CMTM4: variants seen among roughly 807,000 people sequenced by gnomAD.
CMTM4 encodes the protein CKLF like MARVEL transmembrane domain containing 4, also known as CKLF-like MARVEL transmembrane domain-containing protein 4.
In CMTM4, 8 loss-of-function variants were observed where a neutral mutation model predicts 19.0. That is an observed-to-expected ratio of 0.42 (90% CI 0.25 to 0.76). The LOEUF (loss-of-function observed/expected upper bound fraction) is 0.76. Ranked by LOEUF, CMTM4 falls within the 30% of genes least tolerant of loss-of-function variation. CMTM4 has a pLI of 0.27. For synonymous variants in CMTM4, 106 were observed against 121.1 expected, an observed-to-expected ratio of 0.88 and a Z score of 0.82; for missense variants, 228 against 290.2, an observed-to-expected ratio of 0.79 and a Z score of 1.56.
At chr16:66,605,066 C>G in the CMTM4 span, 1 of 972,232 alleles carries the variant, frequency 1.0e-6, no homozygotes, top group Non-Finnish European at 1.4e-6. This position sits in a 1 kb window ranked among gnomAD's most constrained non-coding sequence, Gnocchi z 4.6. Context: ...GATACCCCCT[C>G]TCCGCGCCGC....
intron 1 of CMTM4, among the ~76,000 whole-genome samples, chr16:66,666,044 C>T (rs557610460): frequency 7.6e-4 from 115 of 151,340 alleles, no homozygotes; most frequent in African/African-American, 2.6e-3. Flanking sequence ...TGCACTCCAG[C>T]CTGGGCGACA....
In CMTM4 at chr16:66,624,750, G is replaced by A. The variant is rs568351080; in HGVS notation, c.364-1248C>T. ...CCACTGCACTCTAGCCTGGGTGACA[G>A]AGCGAGACTCTTGTCTCAATAAAAT... On this transcript the variant is annotated intron_variant, in intron 2 of 3. Coordinates refer to ENST00000394106, the MANE Select transcript of CMTM4 (RefSeq NM_181521.3). Among the ~76,000 whole-genome samples the A allele has an allele frequency of 7.2e-5, 11 of 152,294 alleles. No homozygotes were observed. In the South Asian group the frequency reaches 1.9e-3, roughly 26 times the overall value.
At chr16:66,677,875 T>C (rs976571516) in intron 1 of CMTM4, among the ~76,000 whole-genome samples, 24 of 152,194 alleles carry the variant, frequency 1.6e-4, no homozygotes, top group African/African-American at 5.5e-4. Flanking sequence ...CTAAGTTTTA[T>C]ATTTTGGAGT....
chr16:66,608,128 G>T, the CMTM4 span, among the ~76,000 whole-genome samples: 1 of 152,174 alleles, frequency 6.6e-6, no homozygotes, highest in Admixed American at 6.5e-5. The surrounding 1 kb of genome is among the most constrained non-coding windows in gnomAD (Gnocchi z 5.1). Context: ...TTACAGGTGT[G>T]AGCCACTGTG....
intron 1 of CMTM4, among the ~76,000 whole-genome samples, chr16:66,684,681 TA>T (rs1017934555): frequency 6.6e-6 from 1 of 152,188 alleles, no homozygotes; most frequent in African/African-American, 2.4e-5. Flanking sequence ...TTAAACTGTT[TA>T]AAAATAGGAT....
In CMTM4 at chr16:66,620,816, A is replaced by G. The variant is rs2015617461; in HGVS notation, c.*1242T>C. 1.0e-6 allele frequency: 1 copy of G among 985,190 alleles called. No homozygotes were observed. Among genetic ancestry groups the G allele is most frequent in the Admixed American group, 6.1e-5 (1 of 16,272 alleles). 61.0% of individuals were successfully genotyped at this position (985,190 alleles called of 1,614,324 possible). A position where few individuals can be genotyped will look rare whatever the true frequency, so the allele number is the denominator to read the frequency against. On this transcript the variant is annotated 3_prime_UTR_variant, in exon 4 of 4. Transcript: ENST00000394106. ...AAAACAACTTTTTTCCATAAAAGAT[A>G]TAATTACTCTCTAATTTTTTAAAAA...
At chr16:66,661,557 T>C (rs1811258565) in intron 1 of CMTM4, among the ~76,000 whole-genome samples, 1 of 152,210 alleles carries the variant, frequency 6.6e-6, no homozygotes, top group Non-Finnish European at 1.5e-5. Context: ...TAACATTAAG[T>C]CCAAATTTTA....
At position 66,636,471 on chromosome 16, in the gene CMTM4, G is replaced by A. The variant is rs111405424; in HGVS notation, c.297C>T (p.Gly99=). The part of the protein sequence containing the change: ...FVSCSAFVVT[G]VLLIMFSLNL... Reference sequence around the variant, plus strand: ...TGAGACTGAACATAATCAGCAAGACGCCAGTCACCACAAACGCACTGCAGC... The same window carrying A: ...TGAGACTGAACATAATCAGCAAGACACCAGTCACCACAAACGCACTGCAGC... Residue 99 remains glycine, a synonymous_variant, in exon 2 of 4, where the codon GGC becomes GGT. Coordinates refer to ENST00000394106, the MANE Select transcript of CMTM4 (RefSeq NM_181521.3). 93 of 1,614,076 alleles carry A rather than the reference G, an allele frequency of 5.8e-5. No individual in the cohort carries two copies. The African/African-American group carries it at 8.9e-4, about 16-fold the overall frequency.
At chr16:66,629,426 T>C (rs1022947486) in intron 2 of CMTM4, among the ~76,000 whole-genome samples, 1 of 152,194 alleles carries the variant, frequency 6.6e-6, no homozygotes, top group African/African-American at 2.4e-5. Context: ...TCTAACCTAA[T>C]TATGATCCAA....
chr16:66,644,114 C>T (rs751653216), intron 1 of CMTM4, among the ~76,000 whole-genome samples: 15 of 152,146 alleles, frequency 9.9e-5, no homozygotes, highest in Non-Finnish European at 1.9e-4. Flanking sequence ...TACCAGATCG[C>T]ATCTTGATAC....
chr16:66,635,442 C>T (rs1458719618), intron 2 of CMTM4, among the ~76,000 whole-genome samples: 1 of 152,218 alleles, frequency 6.6e-6, no homozygotes, highest in East Asian at 1.9e-4. Flanking sequence ...ACCCAGGGCA[C>T]ACCAGGAGAG....
the CMTM4 span, chr16:66,608,421 T>C: frequency 6.2e-7 from 1 of 1,614,228 alleles, no homozygotes; most frequent in Non-Finnish European, 8.5e-7. The surrounding 1 kb of genome is among the most constrained non-coding windows in gnomAD (Gnocchi z 5.1). Flanking sequence ...GCTGATGCCA[T>C]GCAGCTGAAT....
intron 1 of CMTM4, among the ~76,000 whole-genome samples, chr16:66,685,044 T>A (rs1391524162): frequency 6.6e-6 from 1 of 152,216 alleles, no homozygotes; most frequent in African/African-American, 2.4e-5. Flanking sequence ...AATAAAAATA[T>A]CAGGGTATAT....
At chr16:66,688,010 A>T (rs2017067981) in intron 1 of CMTM4, among the ~76,000 whole-genome samples, 1 of 151,990 alleles carries the variant, frequency 6.6e-6, no homozygotes, top group African/African-American at 2.4e-5. Flanking sequence ...TATAAATAGA[A>T]ATTTATTGCT....
intron 1 of CMTM4, among the ~76,000 whole-genome samples, chr16:66,695,557 G>T (rs373519732): frequency 3.9e-5 from 6 of 152,274 alleles, no homozygotes; most frequent in Admixed American, 3.3e-4. Flanking sequence ...AGAGCTGAGA[G>T]GCCCCTGCCC....
the CMTM4 span, among the ~76,000 whole-genome samples, chr16:66,599,940 T>C: frequency 6.6e-6 from 1 of 152,084 alleles, no homozygotes; most frequent in Non-Finnish European, 1.5e-5. Context: ...TAGTATCTCA[T>C]TGTGGTTTTA....
chr16:66,675,467 A>AC (rs1223669210), intron 1 of CMTM4, among the ~76,000 whole-genome samples: 2 of 151,356 alleles, frequency 1.3e-5, no homozygotes, highest in East Asian at 1.9e-4. Context: ...TAAAAAAAAA[A>AC]AAAAAAAAAA....
At chr16:66,639,432 ACTC>A (rs2016059513) in intron 1 of CMTM4, among the ~76,000 whole-genome samples, 1 of 152,098 alleles carries the variant, frequency 6.6e-6, no homozygotes, top group African/African-American at 2.4e-5. Flanking sequence ...ACAGACAAAA[ACTC>A]CTGCTCTTAG....
At chr16:66,634,719 A>G (rs1416333006) in intron 2 of CMTM4, among the ~76,000 whole-genome samples, 1 of 152,022 alleles carries the variant, frequency 6.6e-6, no homozygotes, top group Non-Finnish European at 1.5e-5. Context: ...TTGAGGCCTT[A>G]CCAGATGCCT....
Sources: allele counts gnomAD v4.1 joint callset (sites outside exome capture counted in the v4.1 genomes callset), GRCh38; gene constraint gnomAD v4.1.1; non-coding constraint Gnocchi (gnomAD v3.1); transcripts MANE v1.5; gene names NCBI Gene and HGNC (gene_info 2026-07-23, HGNC 2026-07-21).